Variants in AFG2A observed in about 807,000 individuals in gnomAD.
AFG2A encodes AAA ATPase AFG2A.
At chr4:123,105,949 T>C in the AFG2A span, among the ~76,000 whole-genome samples, 10 of 152,240 alleles carry the variant, frequency 6.6e-5, no homozygotes, top group Admixed American at 6.5e-4. Flanking sequence ...TTGAGAGGAT[T>C]GACTCCATCT....
At chr4:123,305,892 A>C in the AFG2A span, among the ~76,000 whole-genome samples, 1 of 152,204 alleles carries the variant, frequency 6.6e-6, no homozygotes, top group Admixed American at 6.5e-5. Context: ...CTTATTCTTC[A>C]TGGCATTCAG....
chr4:123,066,712 A>G, the AFG2A span, among the ~76,000 whole-genome samples: 5 of 152,330 alleles, frequency 3.3e-5, no homozygotes, highest in Admixed American at 3.3e-4. Flanking sequence ...GAAAGTTACT[A>G]AAATCAATGG....
chr4:123,286,025 A>G, the AFG2A span, among the ~76,000 whole-genome samples: 2 of 152,076 alleles, frequency 1.3e-5, no homozygotes, highest in Non-Finnish European at 2.9e-5. Flanking sequence ...CACTGTACTT[A>G]TTGTCTTGTT....
the AFG2A span, among the ~76,000 whole-genome samples, chr4:123,062,413 C>A: frequency 6.6e-6 from 1 of 152,182 alleles, no homozygotes; most frequent in East Asian, 1.9e-4. Flanking sequence ...ATATTACCAG[C>A]CTTTATTTTT....
chr4:123,269,148 A>G, the AFG2A span, among the ~76,000 whole-genome samples: 1 of 152,198 alleles, frequency 6.6e-6, no homozygotes. Context: ...TTAAAACTTC[A>G]AATGTGTAGT....
At chr4:122,997,626 A>G in the AFG2A span, among the ~76,000 whole-genome samples, 2 of 152,156 alleles carry the variant, frequency 1.3e-5, no homozygotes, top group African/African-American at 4.8e-5. Context: ...TCGTGTGAAT[A>G]CTTGCTTTTA....
At chr4:123,026,648 A>G in the AFG2A span, among the ~76,000 whole-genome samples, 1 of 152,230 alleles carries the variant, frequency 6.6e-6, no homozygotes, top group African/African-American at 2.4e-5. Flanking sequence ...CAATATGAGT[A>G]ATATACTTTA....
chr4:123,052,187 A>G, the AFG2A span, among the ~76,000 whole-genome samples: 1 of 151,900 alleles, frequency 6.6e-6, no homozygotes, highest in Non-Finnish European at 1.5e-5. Context: ...GTTGGGCTTC[A>G]AGCTCACTGA....
At chr4:123,293,763 A>G in the AFG2A span, among the ~76,000 whole-genome samples, 4 of 152,348 alleles carry the variant, frequency 2.6e-5, no homozygotes, top group Non-Finnish European at 5.9e-5. Context: ...ACAAGGGCAG[A>G]GACACTCTGC....
At chr4:123,132,471 T>A in the AFG2A span, among the ~76,000 whole-genome samples, 3,258 of 151,620 alleles carry the variant, frequency 0.021, 113 homozygotes, top group African/African-American at 0.075. Context: ...CCTTCTTTTT[T>A]ATGGCTGAAT....
At chr4:123,197,021 T>A in the AFG2A span, among the ~76,000 whole-genome samples, 1 of 152,344 alleles carries the variant, frequency 6.6e-6, no homozygotes, top group South Asian at 2.1e-4. Flanking sequence ...TTGTTTTTCA[T>A]TAGAACTCTA....
the AFG2A span, among the ~76,000 whole-genome samples, chr4:122,951,734 T>C: frequency 6.6e-6 from 1 of 152,178 alleles, no homozygotes; most frequent in Non-Finnish European, 1.5e-5. Context: ...ATCCAGATCC[T>C]GTCAGTGGAT....
chr4:123,215,857 G>A, the AFG2A span, among the ~76,000 whole-genome samples: 5 of 152,208 alleles, frequency 3.3e-5, no homozygotes, highest in South Asian at 2.1e-4. Context: ...TTACTAATAC[G>A]AAAGGTATTC....
At chr4:123,249,259 A>G in the AFG2A span, among the ~76,000 whole-genome samples, 1 of 152,200 alleles carries the variant, frequency 6.6e-6, no homozygotes, top group African/African-American at 2.4e-5. Context: ...AGAGGGAGAA[A>G]TATGTGCGAA....
At chr4:123,023,784 T>C in the AFG2A span, among the ~76,000 whole-genome samples, 1 of 152,038 alleles carries the variant, frequency 6.6e-6, no homozygotes, top group African/African-American at 2.4e-5. Flanking sequence ...AGCTTCAATA[T>C]GATTACCCAC....
chr4:123,174,823 A>G, the AFG2A span, among the ~76,000 whole-genome samples: 17 of 151,232 alleles, frequency 1.1e-4, no homozygotes, highest in African/African-American at 3.9e-4. Context: ...CTTTTTTAAA[A>G]AAAATATATA....
chr4:123,196,029 G>T, the AFG2A span, among the ~76,000 whole-genome samples: 9 of 149,350 alleles, frequency 6.0e-5, no homozygotes, highest in Non-Finnish European at 1.3e-4. Context: ...TATTGAGACG[G>T]AGTCTCTGTC....
chr4:123,088,868 A>T, the AFG2A span, among the ~76,000 whole-genome samples: 2 of 152,296 alleles, frequency 1.3e-5, no homozygotes, highest in South Asian at 4.1e-4. Context: ...TAAATTACCC[A>T]GTCTCAGTAG....
the AFG2A span, among the ~76,000 whole-genome samples, chr4:123,197,583 C>T: frequency 1.3e-5 from 2 of 151,802 alleles, no homozygotes; most frequent in African/African-American, 2.4e-5. Context: ...GCCTGGCCAA[C>T]GTAGTGAAAC....
Sources: allele counts gnomAD v4.1 joint callset (sites outside exome capture counted in the v4.1 genomes callset), GRCh38; gene constraint gnomAD v4.1.1; transcripts MANE v1.5; gene names NCBI Gene and HGNC (gene_info 2026-07-23, HGNC 2026-07-21).